The following ATP10B variants were observed in gnomAD, a reference collection of about 807,000 sequenced individuals.
The protein encoded by ATP10B is ATPase phospholipid transporting 10B (putative).
In ATP10B, 122 loss-of-function variants were observed where a neutral mutation model predicts 141.2. That is an observed-to-expected ratio of 0.86 (90% CI 0.75 to 1.00). The LOEUF (loss-of-function observed/expected upper bound fraction) is 1.00, where lower values mean the gene tolerates loss of function less well. Among genes scored for constraint, ATP10B ranks in the 50% least tolerant of loss-of-function variants. The probability of loss-of-function intolerance (pLI) is 0.00; values close to 1 mark genes in which losing one functional copy is unlikely to be tolerated. For missense variants in ATP10B, 1,876 were observed against 1,825.3 expected (o/e 1.03, Z -0.51); for synonymous variants, 685 against 692.0 (o/e 0.99, Z 0.16).
chr5:160,785,381 C>T (rs146626644), intron 2 of ATP10B, among the ~76,000 whole-genome samples, 178 bp downstream of exon 2: 9 of 151,942 alleles, frequency 5.9e-5, no homozygotes, highest in South Asian at 2.1e-4. Flanking sequence ...GATCAGCTGA[C>T]GTTTATTTTA....
At chr5:160,902,014 C>A in the ATP10B span, among the ~76,000 whole-genome samples, 1 of 152,290 alleles carries the variant, frequency 6.6e-6, no homozygotes, top group African/African-American at 2.4e-5. Flanking sequence ...ACGATCCAAG[C>A]TCTCATCTGT....
chr5:160,650,857 TC>T (rs1339519825), intron 7 of ATP10B, among the ~76,000 whole-genome samples: 4 of 152,154 alleles, frequency 2.6e-5, no homozygotes, highest in Admixed American at 1.3e-4. Context: ...ACTCTCTTCC[TC>T]CCCAATTCAT....
chr5:160,843,866 G>T (rs1775952651), intron 1 of ATP10B, among the ~76,000 whole-genome samples: 1 of 151,806 alleles, frequency 6.6e-6, no homozygotes, highest in African/African-American at 2.4e-5. Context: ...AATATTTGGG[G>T]TTATTTTTTA....
At chr5:160,633,689 T>A (rs377263073) in intron 12 of ATP10B, 2 of 158,258 alleles carry the variant, frequency 1.3e-5, no homozygotes, top group East Asian at 3.6e-4. Context: ...ATCCCAGAAC[T>A]TAAAGTATTG....
At chr5:160,912,712 G>T in the ATP10B span, among the ~76,000 whole-genome samples, 40 of 151,950 alleles carry the variant, frequency 2.6e-4, no homozygotes, top group African/African-American at 8.9e-4. Context: ...AAAGAGAAAA[G>T]AAGAAAGAAA....
chr5:160,703,538 G>A (rs2127763266), intron 3 of ATP10B, among the ~76,000 whole-genome samples: 1 of 151,796 alleles, frequency 6.6e-6, no homozygotes, highest in African/African-American at 2.4e-5. Flanking sequence ...AGTGCATGGT[G>A]CGATCTTGGC....
intron 20 of ATP10B, chr5:160,603,763 T>C (rs1757227593): frequency 3.7e-6 from 2 of 535,668 alleles, no homozygotes; most frequent in Non-Finnish European, 6.7e-6. Flanking sequence ...GTTTGCTTCT[T>C]CCAAGCTGAA....
In ATP10B at chr5:160,620,864, G is replaced by A; in HGVS notation, c.1899C>T (p.Leu633=). ...GTGCAGTGGATGAGAATGACTGGCT[G>A]AGGCTCAATAGCTTCAACTTCTGGA... The part of the protein sequence containing the change: ...QLFQKLKLLS[L]SQSFSSTAPS... Residue 633 remains leucine, a synonymous_variant, in exon 15 of 26, where the codon CTC becomes CTT. Transcript: ENST00000327245. 6.2e-7 allele frequency: 1 copy of A among 1,614,210 alleles called. No homozygotes were observed. Among genetic ancestry groups the A allele is most frequent in the South Asian group, 1.1e-5 (1 of 91,086 alleles).
At chr5:160,709,606 T>TA (rs1554106746) in intron 3 of ATP10B, among the ~76,000 whole-genome samples, 1 of 99,222 alleles carries the variant, frequency 1.0e-5, no homozygotes, top group African/African-American at 3.2e-5. Flanking sequence ...TTTTTTTTTT[T>TA]AATTTTTTTT....
intron 3 of ATP10B, among the ~76,000 whole-genome samples, chr5:160,693,282 A>G (rs1463497205): frequency 2.0e-5 from 3 of 151,770 alleles, no homozygotes; most frequent in African/African-American, 7.2e-5. Flanking sequence ...GCATTTTAAC[A>G]ATCTCAAATT....
At chr5:160,824,868 A>C (rs924541847) in intron 1 of ATP10B, among the ~76,000 whole-genome samples, 4 of 152,168 alleles carry the variant, frequency 2.6e-5, no homozygotes, top group Non-Finnish European at 4.4e-5. Flanking sequence ...GGATCTTTCT[A>C]GTCCCAATCC....
intron 1 of ATP10B, among the ~76,000 whole-genome samples, chr5:160,805,982 A>G (rs1021575536): frequency 6.6e-6 from 1 of 152,142 alleles, no homozygotes; most frequent in African/African-American, 2.4e-5. Context: ...CCAATAATGT[A>G]CATCCTAGTC....
the ATP10B span, among the ~76,000 whole-genome samples, chr5:160,921,908 A>C: frequency 4.3e-4 from 65 of 152,334 alleles, 2 homozygotes; most frequent in South Asian, 0.013. Context: ...TTGTTTTCAG[A>C]CCACAAAGCA....
chr5:160,877,076 AAC>A, the ATP10B span, among the ~76,000 whole-genome samples: 1 of 152,166 alleles, frequency 6.6e-6, no homozygotes, highest in African/African-American at 2.4e-5. Flanking sequence ...GGACAGAGAC[AAC>A]CAAAAAAGAG....
the ATP10B span, among the ~76,000 whole-genome samples, chr5:160,870,739 C>CAA: frequency 2.7e-3 from 402 of 148,414 alleles, 2 homozygotes; most frequent in Middle Eastern, 0.01. Context: ...GGAGAAATGC[C>CAA]AAAAAAAAAC....
intron 1 of ATP10B, among the ~76,000 whole-genome samples, chr5:160,801,907 A>G (rs938461774): frequency 1.3e-5 from 2 of 152,106 alleles, no homozygotes; most frequent in Admixed American, 6.6e-5. Context: ...TCATCTTAGC[A>G]TCTCCCACCT....
intron 22 of ATP10B, among the ~76,000 whole-genome samples, chr5:160,594,797 A>G (rs1239909931): frequency 6.6e-6 from 1 of 152,180 alleles, no homozygotes; most frequent in African/African-American, 2.4e-5. Flanking sequence ...AAAGAAGGCC[A>G]TTACATAATG....
At chr5:160,652,328 G>T (rs1760798749) in intron 7 of ATP10B, among the ~76,000 whole-genome samples, 2 of 151,928 alleles carry the variant, frequency 1.3e-5, no homozygotes, top group Non-Finnish European at 2.9e-5. Context: ...AACCACTGAG[G>T]CCCTGCTTGC....
the ATP10B span, among the ~76,000 whole-genome samples, chr5:160,885,185 A>G: frequency 6.6e-6 from 1 of 152,252 alleles, no homozygotes. Context: ...TAAGTGAATG[A>G]ATAAGTAAAC....
Sources: gnomAD v4.1 joint callset for allele counts (sites outside exome capture counted in the v4.1 genomes callset) on GRCh38, gnomAD v4.1.1 for gene constraint, MANE v1.5 for transcripts, NCBI Gene and HGNC (gene_info 2026-07-23, HGNC 2026-07-21) for gene names.